KPNA7: variants seen among roughly 807,000 people sequenced by gnomAD.
The protein encoded by KPNA7 is karyopherin subunit alpha 7, also known as importin subunit alpha-8.
KPNA7 carries 54 observed loss-of-function variants against 53.7 expected under a neutral mutation model. That is an observed-to-expected ratio of 1.01 (90% CI 0.81 to 1.26). The LOEUF (loss-of-function observed/expected upper bound fraction) is 1.26. Ranked by LOEUF, KPNA7 falls within the 50% of genes most tolerant of loss-of-function variation. The pLI is 0.00. For missense variants in KPNA7, 640 were observed against 644.5 expected, an observed-to-expected ratio of 0.99 and a Z score of 0.07; for synonymous variants, 276 against 259.3, an observed-to-expected ratio of 1.06 and a Z score of -0.62.
chr7:99,207,469 T>C lies in KPNA7; in HGVS notation c.-3A>G, dbSNP rs1318588854. Reference sequence around the variant, plus strand: ...TCTGGAGCATCTAAGGTCGGCATATTGACTGGAAGTAGTAAGTTACCTGCA... The same window carrying C: ...TCTGGAGCATCTAAGGTCGGCATATCGACTGGAAGTAGTAAGTTACCTGCA... On this transcript the variant is annotated 5_prime_UTR_variant, in exon 2 of 11. Transcript: ENST00000327442. 7 of 1,551,100 alleles carry C rather than the reference T, an allele frequency of 4.5e-6. No individual in the cohort carries two copies. Among genetic ancestry groups the C allele is most frequent in the Middle Eastern group, 3.3e-4 (2 of 5,988 alleles).
At chr7:99,167,613 CTTTTTTTTTTTTTTT>C in the KPNA7 span, among the ~76,000 whole-genome samples, 7 of 67,142 alleles carry the variant, frequency 1.0e-4, no homozygotes, top group South Asian at 8.0e-4. Context: ...TCACACCCAA[CTTTTTTTTTTTTTTT>C]TTTTTTTTTT....
the KPNA7 span, among the ~76,000 whole-genome samples, chr7:99,147,951 A>T: frequency 6.6e-6 from 1 of 152,010 alleles, no homozygotes; most frequent in Non-Finnish European, 1.5e-5. Flanking sequence ...CAGTAGCGCA[A>T]GGCTGCAGTG....
intron 6 of KPNA7, among the ~76,000 whole-genome samples, 178 bp from the exon 7 acceptor site, chr7:99,188,741 A>G (rs1229544784): frequency 6.6e-6 from 1 of 152,102 alleles, no homozygotes; most frequent in Admixed American, 6.6e-5. Context: ...GCAGTGATGC[A>G]ATCTTGGCTC....
chr7:99,193,155 G>C lies in KPNA7; in HGVS notation c.554-54C>G. The C allele has an allele frequency of 2.6e-6, 3 of 1,138,146 alleles. No homozygotes were observed. In the East Asian group the frequency reaches 8.6e-5, roughly 33 times the overall value. 70.5% of individuals were successfully genotyped at this position (1,138,146 alleles called of 1,614,324 possible). A position where few individuals can be genotyped will look rare whatever the true frequency, so the allele number is the denominator to read the frequency against. ...GAGAGAGAACAAAGACAATCCTGAAGTGGGTGACTAATTTTTTAAGAGTGT... is the reference window on the plus strand; with the variant it reads ...GAGAGAGAACAAAGACAATCCTGAACTGGGTGACTAATTTTTTAAGAGTGT... On this transcript the variant is annotated intron_variant, in intron 5 of 10. Transcript: ENST00000327442.
At position 99,188,394 on chromosome 7, in the gene KPNA7, G is replaced by A. The variant is rs1300481788; in HGVS notation, c.806C>T (p.Thr269Ile). The change falls in exon 7 of 11, where the codon ACC becomes ATC. Residue 269 changes from threonine to isoleucine, a missense_variant. Thr to Ile is a moderately conservative substitution (Grantham distance 89, BLOSUM62 -1). Coordinates refer to ENST00000327442, the MANE Select transcript of KPNA7 (RefSeq NM_001145715.3). ...GCCGATGCGCTTGTTGGAGCCGTCGGTGAGGTAGGACAGTGCCCAGCAGGC... is the reference window on the plus strand; with the variant it reads ...GCCGATGCGCTTGTTGGAGCCGTCGATGAGGTAGGACAGTGCCCAGCAGGC... ...SDACWALSYL[T>I]DGSNKRIGQV... 16 of 1,551,528 alleles carry A rather than the reference G, an allele frequency of 1.0e-5. No homozygotes were observed. The highest frequency in any genetic ancestry group is 2.4e-5 in the East Asian group (1 of 40,926).
rs1394717868 is a variant in KPNA7, at chr7:99,195,305, C to T, written c.318G>A (p.Leu106=). The change falls in exon 5 of 11, where the codon CTG becomes CTA. Residue 106 remains leucine (L), a synonymous_variant. Coordinates refer to ENST00000327442, the MANE Select transcript of KPNA7 (RefSeq NM_001145715.3). ...KMLSQEKNPP[L]KLVIEAGLIP... is the part of the protein sequence containing the mutation. ...TGAGGCCCGCTTCAATGACCAGTTTCAGAGGGGGGTTCTTTTCCTGGGATA... is the reference window on the plus strand; with the variant it reads ...TGAGGCCCGCTTCAATGACCAGTTTTAGAGGGGGGTTCTTTTCCTGGGATA... The T allele has an allele frequency of 6.4e-7, 1 of 1,551,530 alleles. No individual in the cohort carries two copies. The highest frequency in any genetic ancestry group is 1.2e-5 in the South Asian group (1 of 84,056).
chr7:99,188,836 C>T (rs896857114), intron 6 of KPNA7, among the ~76,000 whole-genome samples: 1 of 152,094 alleles, frequency 6.6e-6, no homozygotes. Flanking sequence ...CGCCACCACA[C>T]ACGCCCAGCT....
chr7:99,178,085 G>A lies in KPNA7; in HGVS notation c.1318-19C>T, dbSNP rs1798986570. The A allele has an allele frequency of 1.3e-6, 2 of 1,549,464 alleles. No individual in the cohort carries two copies. The highest frequency in any genetic ancestry group is 4.9e-5 in the East Asian group (2 of 40,844). On this transcript the variant is annotated intron_variant, in intron 9 of 10. Transcript: ENST00000327442. ...CTGCCGCCTGTGACCAAGTACAAGG[G>A]GACATGAGACCCCCGGCAGGAGCCT...
In KPNA7 at chr7:99,178,033, A is replaced by G. The variant is rs544712598; in HGVS notation, c.1351T>C (p.Cys451Arg). The change falls in exon 10 of 11, where the codon TGT (cysteine) becomes CGT (arginine). Residue 451 changes from cysteine (C) to arginine (R), a missense_variant. Physicochemically the swap from Cys to Arg is radical, Grantham distance 180 (BLOSUM62 -3). Transcript: ENST00000327442. Reference protein sequence around the residue: ...AEKRSEKENLCLLIEELGGID... With the variant: ...AEKRSEKENLRLLIEELGGID... ...CCACCAAGTTCTTCTATCAGAAGAC[A>G]CAGGTTTTCCTTCTCAGACCGTTTC... 7.0e-5 allele frequency: 108 copies of G among 1,551,692 alleles called. 2 individuals are homozygous for G. In the South Asian group the frequency reaches 1.2e-3, roughly 17 times the overall value.
chr7:99,170,654 T>C (rs137859980), downstream of KPNA7, among the ~76,000 whole-genome samples: 22 of 152,246 alleles, frequency 1.4e-4, no homozygotes, highest in African/African-American at 5.3e-4. Context: ...TTTTTAAAAA[T>C]TAAAAGGACA....
At chr7:99,155,026 T>TTA in the KPNA7 span, among the ~76,000 whole-genome samples, 8 of 152,050 alleles carry the variant, frequency 5.3e-5, no homozygotes, top group South Asian at 2.1e-4. Context: ...TTATAAAAGT[T>TTA]TATATATATG....
At chr7:99,150,421 C>CTTTTT in the KPNA7 span, among the ~76,000 whole-genome samples, 33 of 14,874 alleles carry the variant, frequency 2.2e-3, no homozygotes, top group Non-Finnish European at 2.3e-3. Context: ...AATCATTCTT[C>CTTTTT]TCTTTTTTTT....
intron 5 of KPNA7, 135 bp from the exon 6 acceptor site, chr7:99,193,236 C>CA: frequency 1.9e-6 from 1 of 523,960 alleles, no homozygotes; most frequent in Non-Finnish European, 3.3e-6. Flanking sequence ...GTAGTAGAGC[C>CA]ACGTACTAAA....
At chr7:99,193,460 G>T (rs907905380) in intron 5 of KPNA7, among the ~76,000 whole-genome samples, 1 of 152,194 alleles carries the variant, frequency 6.6e-6, no homozygotes, top group Non-Finnish European at 1.5e-5. Context: ...ATGCAACTCA[G>T]AACAAAGTCT....
At chr7:99,173,086 A>T (rs922095363), downstream of KPNA7, among the ~76,000 whole-genome samples, 1 of 149,384 alleles carries the variant, frequency 6.7e-6, no homozygotes, top group Non-Finnish European at 1.5e-5. Flanking sequence ...AAAAAAAAAG[A>T]AAAAGAAAAA....
chr7:99,212,716 C>A (rs12705053), upstream of KPNA7, among the ~76,000 whole-genome samples: 2,692 of 151,754 alleles, frequency 0.018, 50 homozygotes, highest in Admixed American at 0.044. Context: ...ATGGTGAGAC[C>A]CTATCTCTAC....
chr7:99,148,062 G>T, the KPNA7 span, among the ~76,000 whole-genome samples: 1 of 151,194 alleles, frequency 6.6e-6, no homozygotes, highest in South Asian at 2.1e-4. Flanking sequence ...AAAAGCATTT[G>T]CCCACTTAAA....
chr7:99,188,740 C>A (rs1480536654), intron 6 of KPNA7, among the ~76,000 whole-genome samples, 177 bp from the exon 7 acceptor site: 1 of 152,148 alleles, frequency 6.6e-6, no homozygotes, highest in African/African-American at 2.4e-5. Context: ...TGCAGTGATG[C>A]AATCTTGGCT....
At chr7:99,184,500 T>TAA (rs1789472254) in intron 8 of KPNA7, among the ~76,000 whole-genome samples, 2 of 152,178 alleles carry the variant, frequency 1.3e-5, no homozygotes, top group African/African-American at 2.4e-5. Flanking sequence ...TTGAATTTTG[T>TAA]TGACATTACC....
Sources: allele counts gnomAD v4.1 joint callset (sites outside exome capture counted in the v4.1 genomes callset), GRCh38; gene constraint gnomAD v4.1.1; transcripts MANE v1.5; gene names NCBI Gene and HGNC (gene_info 2026-07-23, HGNC 2026-07-21).